MGMT: variants seen among roughly 807,000 people sequenced by gnomAD.
MGMT encodes the protein methylated-DNA--protein-cysteine methyltransferase.
MGMT carries 14 observed loss-of-function variants against 15.9 expected under a neutral mutation model. That is an observed-to-expected ratio of 0.88 (90% CI 0.58 to 1.37). The LOEUF is 1.37. MGMT is among the 40% of genes most tolerant of loss of function. The pLI is 0.00. For missense variants in MGMT, 282 were observed against 268.1 expected (o/e 1.05, Z -0.36); for synonymous variants, 130 against 118.2 (o/e 1.10, Z -0.65).
intron 3 of MGMT, chr10:129,717,577 C>G (rs1848314274): frequency 6.6e-6 from 1 of 152,156 alleles, no homozygotes; most frequent in African/African-American, 2.4e-5. Context: ...AAGACACAGC[C>G]ATTAGCAGAA....
chr10:129,569,238 G>C (rs1206749899), intron 2 of MGMT, among the ~76,000 whole-genome samples: 1 of 152,116 alleles, frequency 6.6e-6, no homozygotes, highest in Non-Finnish European at 1.5e-5. Flanking sequence ...CACCTGGCCC[G>C]GCTCCGGCGC....
chr10:129,603,596 C>T (rs1191793180), intron 2 of MGMT, among the ~76,000 whole-genome samples: 1 of 152,118 alleles, frequency 6.6e-6, no homozygotes, highest in Non-Finnish European at 1.5e-5. Context: ...ATTTGCAAGC[C>T]AGATAATACT....
At chr10:129,669,639 A>G (rs1847699486) in intron 2 of MGMT, among the ~76,000 whole-genome samples, 1 of 152,212 alleles carries the variant, frequency 6.6e-6, no homozygotes, top group Admixed American at 6.5e-5. Context: ...AGTTAAAAAG[A>G]CTTTGAAATA....
chr10:129,690,044 G>A (rs1048492563), intron 2 of MGMT, among the ~76,000 whole-genome samples: 16 of 152,180 alleles, frequency 1.1e-4, no homozygotes, highest in East Asian at 1.9e-4. Flanking sequence ...GGGTGGAACC[G>A]AAAGCTGAAA....
chr10:129,468,983 A>G (rs1845201509), intron 1 of MGMT, among the ~76,000 whole-genome samples: 1 of 152,250 alleles, frequency 6.6e-6, no homozygotes, highest in South Asian at 2.1e-4. Context: ...TGAAAGAAAT[A>G]GAGCCCTAGG....
At chr10:129,559,751 A>G (rs1390703038) in intron 2 of MGMT, among the ~76,000 whole-genome samples, 3 of 152,212 alleles carry the variant, frequency 2.0e-5, no homozygotes, top group Non-Finnish European at 4.4e-5. Context: ...GATTGAAATT[A>G]GCAATTTTAT....
intron 1 of MGMT, among the ~76,000 whole-genome samples, chr10:129,504,007 G>T (rs1229753901): frequency 6.6e-6 from 1 of 152,102 alleles, no homozygotes; most frequent in Non-Finnish European, 1.5e-5. Flanking sequence ...TATCAGATCA[G>T]GGTTCCATGT....
intron 2 of MGMT, among the ~76,000 whole-genome samples, chr10:129,583,664 T>C (rs1846583769): frequency 2.0e-5 from 3 of 152,254 alleles, no homozygotes; most frequent in Admixed American, 2.0e-4. Context: ...GCCCTGTCTC[T>C]GTGGCACACA....
chr10:129,658,598 C>T (rs1847558653), intron 2 of MGMT, among the ~76,000 whole-genome samples: 1 of 152,088 alleles, frequency 6.6e-6, no homozygotes, highest in Admixed American at 6.5e-5. Flanking sequence ...GAATTGAAGC[C>T]CAGCCTGCTC....
intron 4 of MGMT, 137 bp from the exon 5 acceptor site, chr10:129,766,651 C>T (rs1410710732): frequency 4.1e-6 from 3 of 729,054 alleles, no homozygotes; most frequent in African/African-American, 3.5e-5. Flanking sequence ...GACACCCACC[C>T]ATGCCAACAG....
At chr10:129,749,213 T>C (rs1021441935) in intron 3 of MGMT, among the ~76,000 whole-genome samples, 1 of 152,200 alleles carries the variant, frequency 6.6e-6, no homozygotes, top group African/African-American at 2.4e-5. Context: ...ATGTATGATA[T>C]CATGTTTTCA....
At chr10:129,549,643 C>T (rs751800094) in intron 2 of MGMT, among the ~76,000 whole-genome samples, 5 of 152,062 alleles carry the variant, frequency 3.3e-5, no homozygotes, top group South Asian at 2.1e-4. Context: ...TTGCATGAAG[C>T]GTCATCTGTG....
intron 4 of MGMT, among the ~76,000 whole-genome samples, chr10:129,763,507 G>A (rs1477039494): frequency 6.6e-6 from 1 of 152,158 alleles, no homozygotes; most frequent in South Asian, 2.1e-4. Flanking sequence ...CCTGGCCTCT[G>A]CATTGATGTA....
intron 1 of MGMT, among the ~76,000 whole-genome samples, chr10:129,477,363 T>C (rs1845307440): frequency 6.6e-6 from 1 of 152,144 alleles, no homozygotes; most frequent in Non-Finnish European, 1.5e-5. Flanking sequence ...TGGTTTCTAC[T>C]GGATGGAAGG....
At chr10:129,696,496 T>C (rs1848034032) in intron 2 of MGMT, among the ~76,000 whole-genome samples, 1 of 152,220 alleles carries the variant, frequency 6.6e-6, no homozygotes, top group Non-Finnish European at 1.5e-5. Flanking sequence ...CCACAAAATC[T>C]GAAAAGGCAG....
At chr10:129,707,460 C>T (rs1390945838) in intron 2 of MGMT, among the ~76,000 whole-genome samples, 1 of 152,052 alleles carries the variant, frequency 6.6e-6, no homozygotes, top group Admixed American at 6.5e-5. Context: ...ACACAGCACA[C>T]GGCCATGGAG....
chr10:129,690,852 G>A (rs546473283), intron 2 of MGMT, among the ~76,000 whole-genome samples: 2 of 152,188 alleles, frequency 1.3e-5, no homozygotes, highest in African/African-American at 2.4e-5. Flanking sequence ...CCCAGCACTG[G>A]ATGCAGAGTT....
chr10:129,482,119 C>T (rs901582379), intron 1 of MGMT, among the ~76,000 whole-genome samples: 7 of 152,116 alleles, frequency 4.6e-5, no homozygotes, highest in Admixed American at 3.3e-4. Flanking sequence ...TTCAGAGTGG[C>T]GTATTTCCCA....
chr10:129,578,068 C>A (rs959889281), intron 2 of MGMT, among the ~76,000 whole-genome samples: 2 of 152,154 alleles, frequency 1.3e-5, no homozygotes, highest in Non-Finnish European at 2.9e-5. Flanking sequence ...AATAGGAACA[C>A]TTTAATACTG....
Sources: gnomAD v4.1 joint callset for allele counts (sites outside exome capture counted in the v4.1 genomes callset) on GRCh38, gnomAD v4.1.1 for gene constraint, MANE v1.5 for transcripts, NCBI Gene and HGNC (gene_info 2026-07-23, HGNC 2026-07-21) for gene names.